The following LRIF1 variants were observed in gnomAD, a reference collection of about 807,000 sequenced individuals.
The protein encoded by LRIF1 is ligand dependent nuclear receptor interacting factor 1.
In LRIF1, 32 loss-of-function variants were observed where a neutral mutation model predicts 52.7. The observed-to-expected ratio is 0.61, with a 90% CI of 0.46 to 0.82. The LOEUF is 0.82. Ranked by LOEUF, LRIF1 falls within the 40% of genes least tolerant of loss-of-function variation. The pLI is 0.00. For missense variants in LRIF1, 887 were observed against 892.0 expected, an observed-to-expected ratio of 0.99 and a Z score of 0.07; for synonymous variants, 323 against 317.4, an observed-to-expected ratio of 1.02 and a Z score of -0.19.
chr1:110,887,090 G>GTC, the LRIF1 span, among the ~76,000 whole-genome samples: 3 of 97,012 alleles, frequency 3.1e-5, no homozygotes, highest in African/African-American at 1.1e-4. Flanking sequence ...TTGAGACGGA[G>GTC]TCTCGCTCTG....
the LRIF1 span, among the ~76,000 whole-genome samples, chr1:110,934,406 C>T: frequency 6.6e-6 from 1 of 152,174 alleles, no homozygotes; most frequent in Admixed American, 6.5e-5. Flanking sequence ...TCCCCGATTC[C>T]AGGATTTGAC....
chr1:110,937,433 A>C, the LRIF1 span: 1 of 152,124 alleles, frequency 6.6e-6, no homozygotes, highest in Non-Finnish European at 1.5e-5. Context: ...AGAACCTTGA[A>C]AACTATACAA....
chr1:110,908,950 G>A, the LRIF1 span, among the ~76,000 whole-genome samples: 4 of 152,114 alleles, frequency 2.6e-5, no homozygotes, highest in Non-Finnish European at 5.9e-5. Flanking sequence ...ATTCCCCAAA[G>A]TCAATGTGAA....
At chr1:110,908,701 A>G in the LRIF1 span, among the ~76,000 whole-genome samples, 17 of 152,192 alleles carry the variant, frequency 1.1e-4, no homozygotes, top group Non-Finnish European at 2.9e-5. Context: ...AAAAAAAATA[A>G]TTTTAAGAAA....
At chr1:110,948,912 G>A (rs1229285242) in intron 3 of LRIF1, among the ~76,000 whole-genome samples, 1 of 152,012 alleles carries the variant, frequency 6.6e-6, no homozygotes, top group Non-Finnish European at 1.5e-5. Flanking sequence ...AAGAACATAT[G>A]CATGCTTATA....
At chr1:110,886,846 AATATAT>A in the LRIF1 span, among the ~76,000 whole-genome samples, 12 of 101,002 alleles carry the variant, frequency 1.2e-4, no homozygotes, top group South Asian at 2.9e-3. Flanking sequence ...CTCTGTCTCC[AATATAT>A]ATATATATAT....
chr1:110,892,313 G>A, the LRIF1 span: 4 of 1,559,092 alleles, frequency 2.6e-6, no homozygotes, highest in East Asian at 2.2e-5. Flanking sequence ...ACCACATTTT[G>A]CTTCAGGATG....
intron 1 of LRIF1, among the ~76,000 whole-genome samples, chr1:110,959,247 G>A (rs1249377938): frequency 6.6e-6 from 1 of 152,116 alleles, no homozygotes; most frequent in Non-Finnish European, 1.5e-5. Context: ...AAGATTACAG[G>A]CTACTAATTC....
chr1:110,920,739 T>C, the LRIF1 span, among the ~76,000 whole-genome samples: 1 of 152,302 alleles, frequency 6.6e-6, no homozygotes, highest in African/African-American at 2.4e-5. Context: ...TACACCACTA[T>C]GATGGGGGCT....
the LRIF1 span, among the ~76,000 whole-genome samples, chr1:110,880,073 T>C: frequency 6.6e-6 from 1 of 152,202 alleles, no homozygotes; most frequent in Non-Finnish European, 1.5e-5. Flanking sequence ...TTGTGGAAGG[T>C]AGCCACAGTT....
At chr1:110,914,299 A>T in the LRIF1 span, among the ~76,000 whole-genome samples, 10 of 152,134 alleles carry the variant, frequency 6.6e-5, no homozygotes, top group Admixed American at 6.5e-4. Flanking sequence ...TATCCCCTGA[A>T]CCTAAAATAA....
At chr1:110,957,510 C>T (rs1032397238) in intron 1 of LRIF1, among the ~76,000 whole-genome samples, 12 of 141,540 alleles carry the variant, frequency 8.5e-5, no homozygotes, top group Non-Finnish European at 1.4e-4. Context: ...ACAATTCTCA[C>T]GGCTTCAACT....
At chr1:110,930,824 T>C in the LRIF1 span, among the ~76,000 whole-genome samples, 1 of 152,146 alleles carries the variant, frequency 6.6e-6, no homozygotes, top group Non-Finnish European at 1.5e-5. Flanking sequence ...TTTTAAATAA[T>C]AGCAATGTTT....
At chr1:110,931,670 C>T in the LRIF1 span, among the ~76,000 whole-genome samples, 1,278 of 152,210 alleles carry the variant, frequency 8.4e-3, 18 homozygotes, top group African/African-American at 0.029. Context: ...TTTAAATGCT[C>T]GCCATTCTAA....
chr1:110,939,842 G>A, the LRIF1 span: 1 of 152,136 alleles, frequency 6.6e-6, no homozygotes, highest in Non-Finnish European at 1.5e-5. Flanking sequence ...ATACAAAGTA[G>A]ACTAAAGGAT....
the LRIF1 span, among the ~76,000 whole-genome samples, chr1:110,900,813 A>T: frequency 6.6e-6 from 1 of 152,072 alleles, no homozygotes; most frequent in Non-Finnish European, 1.5e-5. Context: ...TGTAGCACAT[A>T]GAGATCACTG....
the LRIF1 span, among the ~76,000 whole-genome samples, chr1:110,886,532 A>G: frequency 1.3e-5 from 2 of 152,128 alleles, no homozygotes; most frequent in South Asian, 2.1e-4. Context: ...TTCTCAACTC[A>G]TGATGCTCTG....
In LRIF1 at chr1:110,963,884, C is replaced by T. The variant is rs1276439846; in HGVS notation, c.-196G>A. 9 of 452,640 alleles carry T rather than the reference C, an allele frequency of 2.0e-5. No individual in the cohort carries two copies. The East Asian group carries it at 3.0e-4, about 15-fold the overall frequency. The allele number at this position is 452,640 out of a possible 1,614,324, so 28.0% of individuals were successfully genotyped here. On this transcript the variant is annotated 5_prime_UTR_variant, in exon 1 of 4. Coordinates refer to ENST00000369763, the MANE Select transcript of LRIF1 (RefSeq NM_018372.4). ...CCCCAGGCTTCGGGACGAGGTCGCGCACCGCGCAGAAACCGGAAGGCTCCT... is the reference window on the plus strand; with the variant it reads ...CCCCAGGCTTCGGGACGAGGTCGCGTACCGCGCAGAAACCGGAAGGCTCCT...
chr1:110,951,257 T>TA, intron 2 of LRIF1, 31 bp downstream of exon 2: 1 of 1,549,742 alleles, frequency 6.5e-7, no homozygotes, highest in Non-Finnish European at 8.7e-7. Context: ...TATAGATATA[T>TA]AAAAAGAGCA....
Sources: gnomAD v4.1 joint callset for allele counts (sites outside exome capture counted in the v4.1 genomes callset) on GRCh38, gnomAD v4.1.1 for gene constraint, MANE v1.5 for transcripts, NCBI Gene and HGNC (gene_info 2026-07-23, HGNC 2026-07-21) for gene names.